TNFAIP8: variants seen among roughly 807,000 people sequenced by gnomAD.
The protein encoded by TNFAIP8 is tumor necrosis factor alpha-induced protein 8.
A neutral mutation model predicts 13.3 loss-of-function variants in TNFAIP8; 7 were observed. The ratio of observed to expected loss-of-function variants is 0.52; its 90% CI spans 0.30 to 0.99. The LOEUF is 0.99. Among genes scored for constraint, TNFAIP8 ranks in the 50% least tolerant of loss-of-function variants. TNFAIP8 has a pLI of 0.07. For synonymous variants in TNFAIP8, 94 were observed against 87.6 expected (o/e 1.07, Z -0.41); for missense variants, 258 against 236.9 (o/e 1.09, Z -0.58).
At chr5:119,321,837 C>T (rs1750067194) in intron 1 of TNFAIP8, among the ~76,000 whole-genome samples, 1 of 152,168 alleles carries the variant, frequency 6.6e-6, no homozygotes, top group African/African-American at 2.4e-5. Context: ...CCACGGCTTT[C>T]CATTCCAACG....
At chr5:119,297,057 T>C (rs1749201665) in intron 1 of TNFAIP8, among the ~76,000 whole-genome samples, 1 of 152,256 alleles carries the variant, frequency 6.6e-6, no homozygotes, top group Non-Finnish European at 1.5e-5. Context: ...ATCAATTTTG[T>C]TGATCCTTTC....
At chr5:119,292,175 G>A (rs767976742) in intron 1 of TNFAIP8, among the ~76,000 whole-genome samples, 3 of 152,090 alleles carry the variant, frequency 2.0e-5, no homozygotes, top group Non-Finnish European at 4.4e-5. Context: ...AGGTAAAGGG[G>A]AGCCCCAGAA....
chr5:119,361,035 G>A (rs1017129598), intron 1 of TNFAIP8, among the ~76,000 whole-genome samples: 12 of 152,172 alleles, frequency 7.9e-5, no homozygotes, highest in Non-Finnish European at 1.5e-4. Context: ...TGTTGGTTGG[G>A]TACAGACACT....
At chr5:119,347,959 G>A (rs1317780634) in intron 1 of TNFAIP8, among the ~76,000 whole-genome samples, 1 of 152,194 alleles carries the variant, frequency 6.6e-6, no homozygotes, top group East Asian at 1.9e-4. Context: ...TCTCAGACCA[G>A]GAGTCTGTGG....
At chr5:119,348,355 C>T (rs773064626) in intron 1 of TNFAIP8, among the ~76,000 whole-genome samples, 6 of 152,166 alleles carry the variant, frequency 3.9e-5, no homozygotes, top group Non-Finnish European at 7.4e-5. Context: ...AAATTATTTC[C>T]TTGCCATAAG....
intron 1 of TNFAIP8, among the ~76,000 whole-genome samples, chr5:119,382,022 T>C (rs1388807389): frequency 6.6e-6 from 1 of 152,188 alleles, no homozygotes; most frequent in African/African-American, 2.4e-5. Context: ...TTTCTAAAAT[T>C]CATAGGAGAC....
intron 1 of TNFAIP8, among the ~76,000 whole-genome samples, chr5:119,302,862 A>T (rs552074988): frequency 1.5e-4 from 23 of 152,302 alleles, no homozygotes; most frequent in African/African-American, 5.1e-4. Flanking sequence ...ATTTTGCATC[A>T]TTGTTGAAGG....
At chr5:119,329,901 C>T (rs1042142163) in intron 1 of TNFAIP8, among the ~76,000 whole-genome samples, 4 of 151,898 alleles carry the variant, frequency 2.6e-5, no homozygotes, top group South Asian at 2.1e-4. Context: ...TCTGACCATC[C>T]GCCGTCTCTG....
chr5:119,365,125 T>TA (rs986477263), intron 1 of TNFAIP8, among the ~76,000 whole-genome samples: 3 of 151,950 alleles, frequency 2.0e-5, no homozygotes, highest in African/African-American at 7.3e-5. Flanking sequence ...GTGCTGGGAT[T>TA]ACAGGTGTGA....
At chr5:119,286,348 A>G (rs1748776511) in intron 1 of TNFAIP8, among the ~76,000 whole-genome samples, 3 of 152,138 alleles carry the variant, frequency 2.0e-5, no homozygotes, top group Admixed American at 1.3e-4. Flanking sequence ...CCCGGTTGGC[A>G]CGGTGGCTCA....
chr5:119,352,848 G>T (rs1458640276), upstream of TNFAIP8, among the ~76,000 whole-genome samples: 1 of 152,164 alleles, frequency 6.6e-6, no homozygotes, highest in African/African-American at 2.4e-5. Flanking sequence ...AGTTCTTTAG[G>T]TCTGTGGTCA....
At chr5:119,372,192 T>TG (rs1240468527) in intron 1 of TNFAIP8, among the ~76,000 whole-genome samples, 1 of 151,110 alleles carries the variant, frequency 6.6e-6, no homozygotes, top group Non-Finnish European at 1.5e-5. Context: ...TAGCCAACTG[T>TG]GGTGGCACAC....
rs570310510 is a variant in TNFAIP8, at chr5:119,281,374, A to G, written c.1+12467A>G. On this transcript the variant is annotated intron_variant, in intron 1 of 1. Transcript: ENST00000274456. ...TAAAGATAAAATACTTTGTGAGTTC[A>G]TAATGCTATTTCCAATTAAAGTTCA... 2.0e-4 allele frequency among the ~76,000 whole-genome samples: 31 copies of G among 152,230 alleles called. No individual in the cohort carries two copies. The South Asian group carries it at 6.2e-3, about 31-fold the overall frequency.
intron 1 of TNFAIP8, among the ~76,000 whole-genome samples, chr5:119,339,395 A>G (rs1369061479): frequency 4.0e-5 from 6 of 150,758 alleles, no homozygotes; most frequent in Admixed American, 2.0e-4. Flanking sequence ...ACCCAGGGAG[A>G]GAGAAATGGA....
intron 1 of TNFAIP8, among the ~76,000 whole-genome samples, chr5:119,327,039 T>C (rs1045497109): frequency 6.6e-6 from 1 of 152,122 alleles, no homozygotes; most frequent in Non-Finnish European, 1.5e-5. Flanking sequence ...TACCACAGGA[T>C]AGGGGCTCGG....
chr5:119,354,594 A>G (rs1751311026), upstream of TNFAIP8: 1 of 152,238 alleles, frequency 6.6e-6, no homozygotes. Context: ...TAATCTATGT[A>G]GTCCTTATGG....
intron 1 of TNFAIP8, among the ~76,000 whole-genome samples, chr5:119,334,681 G>A (rs1241924450): frequency 6.7e-6 from 1 of 149,600 alleles, no homozygotes; most frequent in Non-Finnish European, 1.5e-5. Flanking sequence ...GTCTGAGGCA[G>A]GAGAATTGCT....
rs181710984 is a variant in TNFAIP8 at position 119,383,785 on chromosome 5, G to C, written c.32-9031G>C. On this transcript the variant is annotated intron_variant, in intron 1 of 1. Transcript: ENST00000504771. ...AGAGCTTTTCCATTCTGTATATTCT[G>C]ACTTTTGAACAATGTAAGTATATTG... 2.0e-5 allele frequency among the ~76,000 whole-genome samples: 3 copies of C among 152,306 alleles called. No homozygotes were observed. In the East Asian group the frequency reaches 5.8e-4, roughly 29 times the overall value.
At chr5:119,310,618 T>C (rs1345262964) in intron 1 of TNFAIP8, among the ~76,000 whole-genome samples, 2 of 152,120 alleles carry the variant, frequency 1.3e-5, no homozygotes, top group East Asian at 3.8e-4. Context: ...GTAGATCACT[T>C]GAGGTCAGGA....
Sources: gnomAD v4.1 joint callset for allele counts (sites outside exome capture counted in the v4.1 genomes callset) on GRCh38, gnomAD v4.1.1 for gene constraint, MANE v1.5 for transcripts, NCBI Gene and HGNC (gene_info 2026-07-23, HGNC 2026-07-21) for gene names.